The following PARP4 variants were observed in gnomAD, a reference collection of about 807,000 sequenced individuals.
PARP4 encodes the protein protein mono-ADP-ribosyltransferase PARP4.
Under a neutral mutation model 187.7 loss-of-function variants are expected in PARP4, and 120 were observed. That is an observed-to-expected ratio of 0.64 (90% CI 0.55 to 0.74). The LOEUF (loss-of-function observed/expected upper bound fraction) is 0.74. PARP4 is among the 30% of genes least tolerant of loss of function. PARP4 has a pLI of 0.00. For synonymous variants in PARP4, 654 were observed against 740.9 expected (o/e 0.88, Z 1.90); for missense variants, 1,836 against 2,070.5 (o/e 0.89, Z 2.20).
intron 30 of PARP4, among the ~76,000 whole-genome samples, chr13:24,440,178 CGGGTGAATCA>C (rs1205666387): frequency 6.6e-6 from 1 of 151,982 alleles, no homozygotes; most frequent in Non-Finnish European, 1.5e-5. Context: ...GAGGCCGAGG[CGGGTGAATCA>C]GGAGTTCGAG....
chr13:24,501,864 C>T (rs375954133), intron 2 of PARP4, 30 bp from the exon 3 acceptor site: 77 of 1,262,484 alleles, frequency 6.1e-5, no homozygotes, highest in Non-Finnish European at 8.7e-5. Context: ...ATCCATTATG[C>T]ATCAAGAAAA....
At chr13:24,436,444 T>TGAG (rs992170219) in intron 30 of PARP4, among the ~76,000 whole-genome samples, 7 of 152,010 alleles carry the variant, frequency 4.6e-5, no homozygotes, top group Non-Finnish European at 8.8e-5. Context: ...GCTGGGACTA[T>TGAG]GAGCATGTGA....
intron 12 of PARP4, among the ~76,000 whole-genome samples, chr13:24,482,125 G>A (rs1231545175): frequency 1.3e-4 from 20 of 152,232 alleles, no homozygotes; most frequent in Admixed American, 1.3e-3. Context: ...TGTGGCAGAA[G>A]CAGCAGGAGA....
At chr13:24,440,681 G>C (rs1870879731) in intron 30 of PARP4, among the ~76,000 whole-genome samples, 2 of 152,180 alleles carry the variant, frequency 1.3e-5, no homozygotes, top group Non-Finnish European at 2.9e-5. Flanking sequence ...GTCCCAGAGA[G>C]TGAAGCGCGG....
At chr13:24,464,315 A>T (rs1872348467) in intron 17 of PARP4, among the ~76,000 whole-genome samples, 1 of 152,194 alleles carries the variant, frequency 6.6e-6, no homozygotes, top group Admixed American at 6.6e-5. Context: ...TTCATATGGA[A>T]CCAAAAAAGA....
intron 30 of PARP4, among the ~76,000 whole-genome samples, chr13:24,435,985 C>T (rs542692802): frequency 6.7e-6 from 1 of 148,408 alleles, no homozygotes; most frequent in East Asian, 2.0e-4. Context: ...CATTTCAGTA[C>T]AAGGCTGTCT....
intron 10 of PARP4, among the ~76,000 whole-genome samples, chr13:24,489,388 T>C (rs1432085982): frequency 6.6e-6 from 1 of 152,066 alleles, no homozygotes; most frequent in Non-Finnish European, 1.5e-5. Flanking sequence ...GGCTGGCAGA[T>C]CACAAGGTCA....
chr13:24,482,993 T>C (rs1873357027), intron 12 of PARP4, among the ~76,000 whole-genome samples: 1 of 152,190 alleles, frequency 6.6e-6, no homozygotes, highest in African/African-American at 2.4e-5. Context: ...TCCAGTGTTC[T>C]GTTACTACAG....
At chr13:24,483,896 G>A (rs1292949539) in intron 12 of PARP4, among the ~76,000 whole-genome samples, 1 of 152,194 alleles carries the variant, frequency 6.6e-6, no homozygotes, top group Non-Finnish European at 1.5e-5. Context: ...CAAAGTGCTG[G>A]GATTACAGGC....
chr13:24,421,565 C>T (rs1400680570), intron 33 of PARP4, among the ~76,000 whole-genome samples: 2 of 152,292 alleles, frequency 1.3e-5, no homozygotes, highest in Non-Finnish European at 2.9e-5. Context: ...CTGCTGCCTG[C>T]AGCACAGCTC....
At chr13:24,460,161 C>G (rs1294097965) in intron 17 of PARP4, 25 bp from the exon 18 acceptor site, 4 of 1,600,854 alleles carry the variant, frequency 2.5e-6, no homozygotes, top group Admixed American at 1.7e-5. Flanking sequence ...TATGACTTAG[C>G]TTCCAACTTG....
chr13:24,469,079 T>C lies in PARP4; in HGVS notation c.2078A>G (p.Tyr693Cys), dbSNP rs1413376967. 2.5e-6 allele frequency: 4 copies of C among 1,613,614 alleles called. No individual in the cohort carries two copies. Among genetic ancestry groups the C allele is most frequent in the African/African-American group, 1.3e-5 (1 of 74,924 alleles). ...IKEKEEAQQE[Y>C]LEAVTQGHGA... is the part of the protein sequence containing the mutation. ...ATGGCCCTGGGTCACGGCTTCTAGG[T>C]ACTCTTGCTGGGCTTCTTCCTTCTC... Residue 693 changes from tyrosine to cysteine, a missense_variant, in exon 17 of 34, where the codon TAC (tyrosine) becomes TGC (cysteine). Physicochemically the swap from Tyr to Cys is radical, Grantham distance 194. This residue lies in a region of PARP4 where 1,147 missense variants were observed against 1,214.2 expected (regional missense o/e 0.94). Coordinates refer to ENST00000381989, the MANE Select transcript of PARP4 (RefSeq NM_006437.4).
chr13:24,425,030 A>G lies in PARP4; in HGVS notation c.4979+1436T>C, dbSNP rs187587424. On this transcript the variant is annotated intron_variant, in intron 33 of 33. Transcript: ENST00000381989. Reference sequence around the variant, plus strand: ...TTAAATTAATTCCCAGGATGGGCACAGTGGTTCATGTCTGTAATCCCAGCA... The same window carrying G: ...TTAAATTAATTCCCAGGATGGGCACGGTGGTTCATGTCTGTAATCCCAGCA... Among the ~76,000 whole-genome samples the G allele has an allele frequency of 1.1e-4, 16 of 151,230 alleles. No homozygotes were observed. The East Asian group carries it at 3.0e-3, about 28-fold the overall frequency.
rs113002264 is a variant in PARP4 at position 24,425,605 on chromosome 13, C to CTATATA, written c.4979+855_4979+860dup. ...TCTATATCTATATCTATATCTATAT[C>CTATATA]TATATATCTCAGAGGGATCCTACTC... On this transcript the variant is annotated intron_variant, in intron 33 of 33. Coordinates refer to ENST00000381989, the MANE Select transcript of PARP4 (RefSeq NM_006437.4). Among the ~76,000 whole-genome samples, 753 of 146,986 alleles carry CTATATA rather than the reference C, an allele frequency of 5.1e-3. 2 individuals are homozygous for CTATATA. Among genetic ancestry groups the CTATATA allele is most frequent in the Non-Finnish European group, 8.6e-3 (578 of 67,264 alleles).
intron 10 of PARP4, among the ~76,000 whole-genome samples, chr13:24,489,166 A>AGT: frequency 6.6e-6 from 1 of 152,276 alleles, no homozygotes; most frequent in East Asian, 1.9e-4. Flanking sequence ...GTATAGAACT[A>AGT]GGAGTGGAAT....
intron 3 of PARP4, 30 bp from the exon 4 acceptor site, chr13:24,500,412 T>G (rs1262833613): frequency 4.8e-6 from 7 of 1,452,344 alleles, no homozygotes; most frequent in Admixed American, 1.8e-5. Context: ...GCACACTTGT[T>G]TACTGCCCAA....
At chr13:24,461,614 C>T (rs1386387117) in intron 17 of PARP4, among the ~76,000 whole-genome samples, 1 of 152,136 alleles carries the variant, frequency 6.6e-6, no homozygotes, top group Non-Finnish European at 1.5e-5. Flanking sequence ...GCAGGCGTTT[C>T]CCCATATCCC....
At chr13:24,493,228 G>A (rs1868760806) in intron 8 of PARP4, among the ~76,000 whole-genome samples, 2 of 152,198 alleles carry the variant, frequency 1.3e-5, no homozygotes, top group Admixed American at 1.3e-4. Context: ...GTGCAAGACT[G>A]TGGAGTCACT....
rs779376740 is a variant in PARP4 at position 24,499,363 on chromosome 13, T to C, written c.415A>G (p.Asn139Asp). 23 of 1,584,480 alleles carry C rather than the reference T, an allele frequency of 1.5e-5. No homozygotes were observed. The highest frequency in any genetic ancestry group is 1.6e-5 in the Non-Finnish European group (19 of 1,167,798). Residue 139 changes from asparagine to aspartate, a missense_variant, in exon 5 of 34, where the codon AAT (asparagine) becomes GAT (aspartate). Transcript: ENST00000381989. ...TVELTEFGMQ[N>D]VEIPHLPQDF... Reference sequence around the variant, plus strand: ...TGAGGAAGATGAGGAATTTCAACATTCTGCATACCAAACCTGAAATTTGTA... The same window carrying C: ...TGAGGAAGATGAGGAATTTCAACATCCTGCATACCAAACCTGAAATTTGTA...
Sources: gnomAD v4.1 joint callset for allele counts (sites outside exome capture counted in the v4.1 genomes callset) on GRCh38, gnomAD v4.1.1 for gene constraint, gnomAD v4.1.1 regional missense constraint, MANE v1.5 for transcripts, NCBI Gene and HGNC (gene_info 2026-07-23, HGNC 2026-07-21) for gene names.